The following SLC4A4 variants were observed in gnomAD, a reference collection of about 807,000 sequenced individuals.
The protein encoded by SLC4A4 is electrogenic sodium bicarbonate cotransporter 1.
Under a neutral mutation model 111.5 loss-of-function variants are expected in SLC4A4, and 27 were observed. The observed-to-expected ratio is 0.24, with a 90% CI of 0.18 to 0.33. SLC4A4 has a LOEUF of 0.33. SLC4A4 is among the 10% of genes least tolerant of loss of function. SLC4A4 has a pLI of 1.00. For synonymous variants in SLC4A4, 443 were observed against 463.4 expected, an observed-to-expected ratio of 0.96 and a Z score of 0.57; for missense variants, 909 against 1,315.5, an observed-to-expected ratio of 0.69 and a Z score of 4.78.
At chr4:71,120,609 T>C (rs1288440948) in intron 2 of SLC4A4, among the ~76,000 whole-genome samples, 1 of 152,254 alleles carries the variant, frequency 6.6e-6, no homozygotes, top group African/African-American at 2.4e-5. Flanking sequence ...GGCTTATGCC[T>C]GTAATCCCAG....
chr4:71,487,857 T>C (rs1331707969), intron 15 of SLC4A4, among the ~76,000 whole-genome samples: 1 of 151,632 alleles, frequency 6.6e-6, no homozygotes, highest in Non-Finnish European at 1.5e-5. Context: ...TTTGTTTTTA[T>C]ATTCTGTGGC....
At chr4:71,368,682 CAATCTT>C (rs894202894) in intron 6 of SLC4A4, among the ~76,000 whole-genome samples, 31 of 152,320 alleles carry the variant, frequency 2.0e-4, no homozygotes, top group Admixed American at 1.9e-3. Context: ...TAATTATTAA[CAATCTT>C]GATCTTACAT....
intron 6 of SLC4A4, among the ~76,000 whole-genome samples, chr4:71,371,755 A>G (rs1020489812): frequency 6.6e-6 from 1 of 151,924 alleles, no homozygotes; most frequent in Non-Finnish European, 1.5e-5. Context: ...TTTTCATTTC[A>G]ACTATCTACA....
At chr4:71,235,063 C>G (rs1424675983) in intron 1 of SLC4A4, among the ~76,000 whole-genome samples, 2 of 152,126 alleles carry the variant, frequency 1.3e-5, no homozygotes, top group African/African-American at 2.4e-5. Context: ...ATTTGAATCT[C>G]AAAGCCATCA....
At chr4:71,505,459 T>G (rs1055265311) in intron 16 of SLC4A4, among the ~76,000 whole-genome samples, 1 of 140,476 alleles carries the variant, frequency 7.1e-6, no homozygotes, top group Non-Finnish European at 1.6e-5. Flanking sequence ...AATGTTGAGG[T>G]TTTTTTTTTT....
chr4:71,529,701 TC>T (rs540389055), intron 16 of SLC4A4, among the ~76,000 whole-genome samples: 29 of 152,122 alleles, frequency 1.9e-4, no homozygotes, highest in Non-Finnish European at 5.9e-5. Flanking sequence ...ATTTATTTGC[TC>T]CCATCTATTT....
At chr4:71,521,426 G>A (rs1455665363) in intron 16 of SLC4A4, among the ~76,000 whole-genome samples, 1 of 151,966 alleles carries the variant, frequency 6.6e-6, no homozygotes, top group Admixed American at 6.6e-5. Context: ...TAGAGATGGG[G>A]TGTTACTGTG....
intron 3 of SLC4A4, among the ~76,000 whole-genome samples, chr4:71,290,616 C>T (rs1405319418): frequency 6.6e-6 from 1 of 152,130 alleles, no homozygotes; most frequent in Non-Finnish European, 1.5e-5. Context: ...AAATAAATCC[C>T]TTCTGTAATT....
In SLC4A4 at chr4:71,447,825, A is replaced by G. The variant is rs4469034; in HGVS notation, c.1053+92A>G. Reference sequence around the variant, plus strand: ...TGTCACAATTTATTCAATTAGAATTATGTGGTTACTAGACTTCCTTATAGC... The same window carrying G: ...TGTCACAATTTATTCAATTAGAATTGTGTGGTTACTAGACTTCCTTATAGC... On this transcript the variant is annotated intron_variant, in intron 9 of 25. Transcript: ENST00000264485. 2.3e-3 allele frequency: 1,922 copies of G among 838,980 alleles called. 18 individuals are homozygous for G. The highest frequency in any genetic ancestry group is 0.017 in the African/African-American group (1,003 of 59,634). The allele number at this position is 838,980 out of a possible 1,614,324, so 52.0% of individuals were successfully genotyped here. A position where few individuals can be genotyped will look rare whatever the true frequency, so the allele number is the denominator to read the frequency against.
At position 71,254,766 on chromosome 4, in the gene SLC4A4, C is replaced by G. The variant is rs578018345; in HGVS notation, c.74-454C>G. ...AGCTCCTTTTCCAGCAGGCACTAAC[C>G]CTACCCAGTATAATCATAGACTCAT... On this transcript the variant is annotated intron_variant, in intron 2 of 25. Coordinates refer to ENST00000264485, the MANE Select transcript of SLC4A4 (RefSeq NM_001098484.3). 1.4e-4 allele frequency among the ~76,000 whole-genome samples: 22 copies of G among 152,194 alleles called. 1 individual carries two copies. Among genetic ancestry groups the G allele is most frequent in the Admixed American group, 1.2e-3 (19 of 15,264 alleles).
chr4:71,560,049 A>G, intron 22 of SLC4A4, 44 bp from the exon 23 acceptor site: 2 of 1,487,638 alleles, frequency 1.3e-6, no homozygotes, highest in Non-Finnish European at 9.4e-7. Flanking sequence ...CTGTGACTTC[A>G]TCTGACATGG....
chr4:71,563,440 T>C (rs1057428759), intron 23 of SLC4A4, among the ~76,000 whole-genome samples: 1 of 151,806 alleles, frequency 6.6e-6, no homozygotes, highest in East Asian at 1.9e-4. Flanking sequence ...ACCTGGGAAG[T>C]TTCCTATGTT....
At chr4:71,493,878 A>T (rs1470312781) in intron 15 of SLC4A4, among the ~76,000 whole-genome samples, 1 of 152,144 alleles carries the variant, frequency 6.6e-6, no homozygotes, top group Admixed American at 6.6e-5. Context: ...TCTTGAAAAA[A>T]TAGTCTGTAA....
chr4:71,103,306 C>G lies in SLC4A4; in HGVS notation c.-2+10514C>G, dbSNP rs1004642023. On this transcript the variant is annotated intron_variant, in intron 2 of 26. Transcript: ENST00000649996. ...GTGACCTACAAAGAGACTTAGACTC[C>G]CGCACATTAATAATGGGAGACTTTA... Among the ~76,000 whole-genome samples the G allele has an allele frequency of 2.1e-4, 32 of 152,132 alleles. 1 individual carries two copies. Among genetic ancestry groups the G allele is most frequent in the African/African-American group, 7.5e-4 (31 of 41,492 alleles).
At chr4:71,536,614 A>T (rs1464288378) in intron 18 of SLC4A4, among the ~76,000 whole-genome samples, 1 of 150,434 alleles carries the variant, frequency 6.6e-6, no homozygotes, top group Non-Finnish European at 1.5e-5. Context: ...CTCCTGCCTC[A>T]GCCTCCCGAG....
intron 3 of SLC4A4, among the ~76,000 whole-genome samples, chr4:71,296,933 A>T (rs1000833393): frequency 2.0e-5 from 3 of 152,226 alleles, no homozygotes; most frequent in Admixed American, 6.5e-5. Context: ...TTAAAGTATT[A>T]CTGGAAAAAA....
intron 13 of SLC4A4, among the ~76,000 whole-genome samples, chr4:71,468,043 C>A (rs1577976365): frequency 6.6e-6 from 1 of 152,076 alleles, no homozygotes; most frequent in East Asian, 1.9e-4. Flanking sequence ...GGATTTAAAA[C>A]CAGCTTTTTG....
chr4:71,303,366 A>G (rs903807821), intron 3 of SLC4A4, among the ~76,000 whole-genome samples: 4 of 152,244 alleles, frequency 2.6e-5, no homozygotes, highest in African/African-American at 4.8e-5. Context: ...CAGTATGCCT[A>G]TTAGCATTTC....
intron 3 of SLC4A4, among the ~76,000 whole-genome samples, chr4:71,264,236 T>C (rs902902804): frequency 2.6e-5 from 4 of 152,220 alleles, no homozygotes; most frequent in African/African-American, 9.6e-5. Context: ...TGTTCTATTC[T>C]TTTGCTATTT....
Sources: allele counts gnomAD v4.1 joint callset (sites outside exome capture counted in the v4.1 genomes callset), GRCh38; gene constraint gnomAD v4.1.1; transcripts MANE v1.5; gene names NCBI Gene and HGNC (gene_info 2026-07-23, HGNC 2026-07-21).